Variants in TMIGD3 observed in about 807,000 individuals in gnomAD.
The protein encoded by TMIGD3 is transmembrane and immunoglobulin domain containing 3, also known as AD026 protein (AD026).
TMIGD3 carries 21 observed loss-of-function variants against 28.1 expected under a neutral mutation model. The ratio of observed to expected loss-of-function variants is 0.75; its 90% CI spans 0.53 to 1.08. The LOEUF is 1.08. Among genes scored for constraint, TMIGD3 ranks in the 50% least tolerant of loss-of-function variants. TMIGD3 has a pLI of 0.00. For synonymous variants in TMIGD3, 151 were observed against 162.1 expected (o/e 0.93, Z 0.52); for missense variants, 416 against 435.6 (o/e 0.96, Z 0.40).
intron 1 of TMIGD3, among the ~76,000 whole-genome samples, chr1:111,519,136 A>G (rs2101001798): frequency 6.6e-6 from 1 of 152,220 alleles, no homozygotes; most frequent in East Asian, 1.9e-4. Context: ...ACGAGGTTTC[A>G]CCATGTTGGC....
At position 111,503,584 on chromosome 1, in the gene TMIGD3, C is replaced by T. The variant is rs967116677; in HGVS notation, c.-230G>A. On this transcript the variant is annotated 5_prime_UTR_variant, in exon 1 of 6. In the 5' UTR this introduces an upstream ATG that the reference lacks. Transcript: ENST00000369716. ...GGGTCACTTCCAGCCCCTTTATGCA[C>T]CGCACATCCTCAAGTTTCCAGAATG... is the stretch of plus-strand genomic sequence containing the variant. 21 of 1,359,900 alleles carry T rather than the reference C, an allele frequency of 1.5e-5. No individual in the cohort carries two copies. In the Admixed American group the frequency reaches 4.0e-4, roughly 26 times the overall value. 84.2% of individuals were successfully genotyped at this position (1,359,900 alleles called of 1,614,324 possible). A position where few individuals can be genotyped will look rare whatever the true frequency, so the allele number is the denominator to read the frequency against.
upstream of TMIGD3, chr1:111,504,951 A>C (rs573780987): frequency 2.0e-5 from 20 of 985,226 alleles, no homozygotes; most frequent in African/African-American, 1.7e-4. Flanking sequence ...AATTTCCATC[A>C]TTCTAGTATT....
At chr1:111,506,976 CAT>C (rs1655521195), upstream of TMIGD3, among the ~76,000 whole-genome samples, 8 of 145,346 alleles carry the variant, frequency 5.5e-5, no homozygotes, top group East Asian at 4.0e-4. Context: ...CACACACACA[CAT>C]ATACATATAT....
intron 1 of TMIGD3, among the ~76,000 whole-genome samples, chr1:111,534,738 G>T (rs1365229303): frequency 6.6e-6 from 1 of 152,128 alleles, no homozygotes; most frequent in Non-Finnish European, 1.5e-5. Context: ...AGATTTGTGT[G>T]TGAGTGTGTG....
At chr1:111,549,789 C>T (rs1234459321) in intron 1 of TMIGD3, among the ~76,000 whole-genome samples, 4 of 152,074 alleles carry the variant, frequency 2.6e-5, no homozygotes, top group Admixed American at 2.6e-4. Context: ...TCTAGAGCTA[C>T]AGGTGCACAC....
intron 4 of TMIGD3, 134 bp downstream of exon 4, chr1:111,486,452 G>GTTAA (rs1189069852): frequency 1.5e-6 from 1 of 656,768 alleles, no homozygotes; most frequent in African/African-American, 1.8e-5. Context: ...AGGATACATA[G>GTTAA]TTAAGGTGGA....
chr1:111,535,397 G>T (rs1656606096), intron 1 of TMIGD3, among the ~76,000 whole-genome samples: 1 of 152,184 alleles, frequency 6.6e-6, no homozygotes, highest in Non-Finnish European at 1.5e-5. Context: ...GCCATTTCAG[G>T]CACCATCTGA....
chr1:111,562,035 A>C (rs1657761575), intron 1 of TMIGD3, among the ~76,000 whole-genome samples: 1 of 152,094 alleles, frequency 6.6e-6, no homozygotes, highest in Non-Finnish European at 1.5e-5. Context: ...TTAACTTTTC[A>C]ATCTTTTTTC....
intron 1 of TMIGD3, among the ~76,000 whole-genome samples, chr1:111,532,019 C>G (rs1371290298): frequency 2.0e-5 from 3 of 152,172 alleles, no homozygotes; most frequent in African/African-American, 7.2e-5. Flanking sequence ...GAGACAATAC[C>G]TAAGTATTCT....
In TMIGD3 at chr1:111,485,778, T is replaced by G. The variant is rs746440251; in HGVS notation, c.935A>C (p.His312Pro). Residue 312 changes from histidine (H) to proline (P), a missense_variant, in exon 5 of 6, where the codon CAT becomes CCT. Coordinates refer to ENST00000369716, the MANE Select transcript of TMIGD3 (RefSeq NM_020683.7). ...TGLGIISVIS[H>P]LTKRRRSQRN... ...TTGACTTCTCCTCCTTTTGGTCAAA[T>G]GACTGATTACAGAGATGATTCCCAA... 2.0e-6 allele frequency: 3 copies of G among 1,490,560 alleles called. No homozygotes were observed. The highest frequency in any genetic ancestry group is 2.7e-6 in the Non-Finnish European group (3 of 1,101,482). The allele number at this position is 1,490,560 out of a possible 1,614,324, so 92.3% of individuals were successfully genotyped here.
chr1:111,547,642 A>G (rs1352823329), intron 1 of TMIGD3, among the ~76,000 whole-genome samples: 2 of 152,198 alleles, frequency 1.3e-5, no homozygotes, highest in African/African-American at 2.4e-5. Flanking sequence ...AACTGAAGAA[A>G]AATTGGTGCC....
intron 1 of TMIGD3, among the ~76,000 whole-genome samples, chr1:111,525,692 G>A (rs1311934543): frequency 1.3e-5 from 2 of 152,102 alleles, no homozygotes; most frequent in Non-Finnish European, 1.5e-5. Context: ...GTGAAACCCT[G>A]TCTCTACTAA....
intron 1 of TMIGD3, among the ~76,000 whole-genome samples, chr1:111,553,502 G>A (rs1657356832): frequency 6.6e-6 from 1 of 152,204 alleles, no homozygotes; most frequent in South Asian, 2.1e-4. Context: ...TACATGCAGA[G>A]TAAAATCTCC....
At chr1:111,518,962 G>A (rs774859477) in intron 1 of TMIGD3, among the ~76,000 whole-genome samples, 17 of 151,900 alleles carry the variant, frequency 1.1e-4, no homozygotes, top group Non-Finnish European at 2.1e-4. Context: ...TTTGTGAGAC[G>A]GAATCTCACT....
intron 1 of TMIGD3, among the ~76,000 whole-genome samples, chr1:111,544,618 G>A (rs1656969424): frequency 6.6e-6 from 1 of 152,052 alleles, no homozygotes; most frequent in Non-Finnish European, 1.5e-5. Context: ...ATAAACATTT[G>A]GTTTGTTCCA....
At chr1:111,504,171 T>C, upstream of TMIGD3, 2 of 979,260 alleles carry the variant, frequency 2.0e-6, no homozygotes, top group Non-Finnish European at 2.4e-6. Context: ...GGGCAAAAAC[T>C]CAGCACCTCT....
At chr1:111,497,124 T>C (rs1654914843) in intron 1 of TMIGD3, among the ~76,000 whole-genome samples, 1 of 152,144 alleles carries the variant, frequency 6.6e-6, no homozygotes, top group Non-Finnish European at 1.5e-5. Context: ...CTCTTTTTTG[T>C]TTTTGAGACG....
At chr1:111,486,535 A>T in intron 4 of TMIGD3, 51 bp downstream of exon 4, 1 of 1,375,728 alleles carries the variant, frequency 7.3e-7, no homozygotes, top group Non-Finnish European at 1.0e-6. Context: ...CCCAGCCCCT[A>T]CCTCCACCCC....
At chr1:111,545,944 A>G (rs1312073177) in intron 1 of TMIGD3, among the ~76,000 whole-genome samples, 4 of 152,138 alleles carry the variant, frequency 2.6e-5, no homozygotes, top group Non-Finnish European at 5.9e-5. Flanking sequence ...GGATGGATTT[A>G]TTTCTGAACT....
Sources: gnomAD v4.1 joint callset for allele counts (sites outside exome capture counted in the v4.1 genomes callset) on GRCh38, gnomAD v4.1.1 for gene constraint, MANE v1.5 for transcripts, NCBI Gene and HGNC (gene_info 2026-07-23, HGNC 2026-07-21) for gene names.